Variants in ERC1 observed in about 807,000 individuals in gnomAD.
ERC1 encodes ELKS/RAB6-interacting/CAST family member 1, also known as RAB6 interacting protein 2.
A neutral mutation model predicts 132.0 loss-of-function variants in ERC1; 56 were observed. That is an observed-to-expected ratio of 0.42 (90% CI 0.34 to 0.53). The LOEUF (loss-of-function observed/expected upper bound fraction) is 0.53, where lower values mean the gene tolerates loss of function less well. ERC1 is among the 20% of genes least tolerant of loss of function. ERC1 has a pLI of 0.03. For synonymous variants in ERC1, 478 were observed against 476.1 expected (o/e 1.00, Z -0.05); for missense variants, 1,202 against 1,349.9 (o/e 0.89, Z 1.72).
chr12:1,124,071 T>A (rs1383359249), intron 7 of ERC1, among the ~76,000 whole-genome samples: 1 of 152,210 alleles, frequency 6.6e-6, no homozygotes, highest in Non-Finnish European at 1.5e-5. Context: ...TGTGCTCCTG[T>A]CAGAATTTGA....
intron 6 of ERC1, among the ~76,000 whole-genome samples, chr12:1,113,290 C>G (rs1403239124): frequency 6.6e-6 from 1 of 152,172 alleles, no homozygotes; most frequent in Non-Finnish European, 1.5e-5. Flanking sequence ...CACTTGCACA[C>G]TTACTGTAAA....
intron 2 of ERC1, among the ~76,000 whole-genome samples, chr12:1,056,672 C>T (rs1733281311): frequency 6.6e-6 from 1 of 152,124 alleles, no homozygotes; most frequent in South Asian, 2.1e-4. Context: ...AGCGCAGTGT[C>T]TGTTTCTTTA....
chr12:1,361,439 A>T (rs1163368376), intron 15 of ERC1, among the ~76,000 whole-genome samples: 1 of 152,226 alleles, frequency 6.6e-6, no homozygotes, highest in Non-Finnish European at 1.5e-5. Context: ...AAATTAAATT[A>T]AAAATTGCCT....
intron 8 of ERC1, among the ~76,000 whole-genome samples, chr12:1,154,251 ATGTATAT>A (rs1951124360): frequency 1.3e-5 from 2 of 149,564 alleles, no homozygotes; most frequent in East Asian, 3.9e-4. Flanking sequence ...GTATATGTAT[ATGTATAT>A]GTGTATATAT....
At chr12:1,282,219 A>G (rs981661795) in intron 14 of ERC1, among the ~76,000 whole-genome samples, 2 of 152,198 alleles carry the variant, frequency 1.3e-5, no homozygotes, top group African/African-American at 4.8e-5. Context: ...CAGTGTGTAC[A>G]GCAGGATGGA....
intron 13 of ERC1, among the ~76,000 whole-genome samples, chr12:1,260,478 T>C (rs947965766): frequency 6.6e-6 from 1 of 152,244 alleles, no homozygotes; most frequent in African/African-American, 2.4e-5. Flanking sequence ...TTATAAATAT[T>C]ACCTAGCAGT....
intron 15 of ERC1, among the ~76,000 whole-genome samples, chr12:1,290,891 C>T (rs1337793895): frequency 3.9e-5 from 6 of 152,160 alleles, no homozygotes; most frequent in Non-Finnish European, 5.9e-5. Flanking sequence ...TTCAAGTCCC[C>T]GCCTCAGCAG....
chr12:1,228,378 T>C (rs2074765065), intron 12 of ERC1, among the ~76,000 whole-genome samples: 1 of 48,862 alleles, frequency 2.0e-5, no homozygotes, highest in African/African-American at 2.4e-4. Flanking sequence ...AACTAATTTT[T>C]GTATATTTTA....
intron 17 of ERC1, among the ~76,000 whole-genome samples, chr12:1,434,829 G>A (rs932293207): frequency 1.3e-5 from 2 of 152,126 alleles, no homozygotes; most frequent in Non-Finnish European, 2.9e-5. Flanking sequence ...AGCCTCTTTC[G>A]TCATAGTCAA....
chr12:1,414,848 G>A (rs2092036840), intron 17 of ERC1, among the ~76,000 whole-genome samples: 1 of 151,982 alleles, frequency 6.6e-6, no homozygotes, highest in African/African-American at 2.4e-5. Flanking sequence ...ATATATATGT[G>A]TGTGTGTGTC....
chr12:1,335,719 C>T (rs2083256303), intron 15 of ERC1, among the ~76,000 whole-genome samples: 1 of 152,124 alleles, frequency 6.6e-6, no homozygotes, highest in African/African-American at 2.4e-5. Flanking sequence ...GTTTTGATAT[C>T]AGGATGATGC....
chr12:1,436,077 C>G (rs1025906683), intron 17 of ERC1, among the ~76,000 whole-genome samples: 24 of 152,096 alleles, frequency 1.6e-4, no homozygotes, highest in African/African-American at 5.6e-4. Flanking sequence ...TGGTTTGACG[C>G]TAGAGTTCAA....
chr12:1,242,305 G>C (rs2075862355), intron 13 of ERC1, among the ~76,000 whole-genome samples: 1 of 152,006 alleles, frequency 6.6e-6, no homozygotes. Context: ...ATAACTTAAA[G>C]AATATTATCA....
intron 15 of ERC1, among the ~76,000 whole-genome samples, chr12:1,341,380 C>T (rs1486029587): frequency 6.6e-6 from 1 of 151,996 alleles, no homozygotes; most frequent in Non-Finnish European, 1.5e-5. Context: ...TATTTCGGCA[C>T]TATTCACGAT....
At chr12:1,489,011 G>A (rs1309041044) in intron 18 of ERC1, among the ~76,000 whole-genome samples, 1 of 152,174 alleles carries the variant, frequency 6.6e-6, no homozygotes, top group Non-Finnish European at 1.5e-5. Context: ...TTAAAACTGC[G>A]TGGACTCCTT....
chr12:1,015,310 C>T (rs1278140677), intron 1 of ERC1, among the ~76,000 whole-genome samples: 7 of 152,258 alleles, frequency 4.6e-5, no homozygotes, highest in South Asian at 4.1e-4. Flanking sequence ...CTGCCCACCT[C>T]AGCCTTTTAA....
intron 2 of ERC1, among the ~76,000 whole-genome samples, chr12:1,050,895 C>G (rs1971834227): frequency 6.6e-6 from 1 of 152,004 alleles, no homozygotes; most frequent in Admixed American, 6.6e-5. Flanking sequence ...GTCCCAGCTA[C>G]TAGAGAGGCT....
chr12:1,227,453 A>G (rs1045742949), intron 12 of ERC1, among the ~76,000 whole-genome samples: 7 of 152,198 alleles, frequency 4.6e-5, no homozygotes, highest in African/African-American at 1.2e-4. Context: ...CCATTTGGCC[A>G]TTTAAAGTCT....
chr12:1,280,781 T>G (rs147214438), intron 14 of ERC1, among the ~76,000 whole-genome samples: 47 of 152,338 alleles, frequency 3.1e-4, no homozygotes, highest in African/African-American at 1.0e-3. Flanking sequence ...ACTTACGTGA[T>G]GTTTATGAGT....
Sources: allele counts gnomAD v4.1 joint callset (sites outside exome capture counted in the v4.1 genomes callset), GRCh38; gene constraint gnomAD v4.1.1; transcripts MANE v1.5; gene names NCBI Gene and HGNC (gene_info 2026-07-23, HGNC 2026-07-21).